The following ASB15 variants were observed in gnomAD, a reference collection of about 807,000 sequenced individuals.
ASB15 encodes the protein ankyrin repeat and SOCS box containing 15, also known as ankyrin repeat and SOCS box protein 15.
ASB15 carries 54 observed loss-of-function variants against 58.0 expected under a neutral mutation model. The observed-to-expected ratio is 0.93, with a 90% confidence interval of 0.75 to 1.17. ASB15 has a LOEUF of 1.17. Among genes scored for constraint, ASB15 ranks in the 50% most tolerant of loss-of-function variants. The pLI is 0.00. For synonymous variants in ASB15, 249 were observed against 262.4 expected (o/e 0.95, Z 0.50); for missense variants, 680 against 707.4 (o/e 0.96, Z 0.44).
chr7:123,616,704 T>C (rs949735632), intron 6 of ASB15, among the ~76,000 whole-genome samples: 1 of 152,166 alleles, frequency 6.6e-6, no homozygotes, highest in East Asian at 1.9e-4. Context: ...TTTGCATCCT[T>C]TTACCTATGA....
intron 1 of ASB15, among the ~76,000 whole-genome samples, chr7:123,595,251 T>C (rs561826835): frequency 6.6e-6 from 1 of 152,300 alleles, no homozygotes; most frequent in East Asian, 1.9e-4. Flanking sequence ...AAACCCAAGC[T>C]TTTATCCATG....
At chr7:123,630,181 T>A in intron 11 of ASB15, 62 bp downstream of exon 11, 1 of 1,271,620 alleles carries the variant, frequency 7.9e-7, no homozygotes, top group East Asian at 2.4e-5. Context: ...GGAAATTTCT[T>A]AATGTCTTCT....
chr7:123,630,042 A>G lies in ASB15; in HGVS notation c.1517A>G (p.Asp506Gly). The G allele has an allele frequency of 6.2e-7, 1 of 1,607,616 alleles. No homozygotes were observed. Among genetic ancestry groups the G allele is most frequent in the Non-Finnish European group, 8.5e-7 (1 of 1,174,646 alleles). The change falls in exon 11 of 12, where the codon GAT becomes GGT. Residue 506 changes from aspartate to glycine, a missense_variant. Physicochemically the swap from Asp to Gly is moderately conservative, Grantham distance 94 (BLOSUM62 -1). Coordinates refer to ENST00000451215, the MANE Select transcript of ASB15 (RefSeq NM_001290258.2). ...ACTCGTGTACTAATAGATTACATGG[A>G]TTATGTTCCTCTGTGTGCTAAACTG... ...RVTRVLIDYMDYVPLCAKLKS... is the reference protein window; with the variant it reads ...RVTRVLIDYMGYVPLCAKLKS...
At chr7:123,607,693 C>T (rs977671222) in intron 2 of ASB15, among the ~76,000 whole-genome samples, 4 of 152,098 alleles carry the variant, frequency 2.6e-5, no homozygotes, top group African/African-American at 9.7e-5. Flanking sequence ...CACCATGTTG[C>T]CCAGGCTGGT....
intron 1 of ASB15, among the ~76,000 whole-genome samples, chr7:123,602,673 G>A (rs1799945096): frequency 6.6e-6 from 1 of 152,116 alleles, no homozygotes; most frequent in African/African-American, 2.4e-5. Flanking sequence ...TCTTCAAATA[G>A]AAATTTGCCT....
At chr7:123,633,571 C>T (rs927783443) in intron 11 of ASB15, among the ~76,000 whole-genome samples, 4 of 152,030 alleles carry the variant, frequency 2.6e-5, no homozygotes, top group African/African-American at 4.8e-5. Flanking sequence ...AACTCATAAG[C>T]TATTTTATCT....
At chr7:123,596,170 G>A (rs17146168) in intron 1 of ASB15, among the ~76,000 whole-genome samples, 9 of 76,390 alleles carry the variant, frequency 1.2e-4, no homozygotes, top group Non-Finnish European at 2.4e-4. Context: ...TCTTATATTG[G>A]AAAAAAAAAT....
In ASB15 at chr7:123,638,400, C is replaced by T. The variant is rs1802524334; in HGVS notation, c.*1419C>T. The T allele has an allele frequency of 6.6e-6, 1 of 152,110 alleles. No individual in the cohort carries two copies. The highest frequency in any genetic ancestry group is 1.5e-5 in the Non-Finnish European group (1 of 68,024). The allele number at this position is 152,110 out of a possible 1,614,324, so 9.4% of individuals were successfully genotyped here. A position where few individuals can be genotyped will look rare whatever the true frequency, so the allele number is the denominator to read the frequency against. On this transcript the variant is annotated 3_prime_UTR_variant, in exon 12 of 12. Coordinates refer to ENST00000451215, the MANE Select transcript of ASB15 (RefSeq NM_001290258.2). ...CACTGATTCCCAGACTTCAAGGTGT[C>T]ATACACTAATAGGTTTTATTGTGTT...
In ASB15 at chr7:123,636,859, A is replaced by T. The variant is rs748643045; in HGVS notation, c.1645A>T (p.Met549Leu). 4 of 1,610,958 alleles carry T rather than the reference A, an allele frequency of 2.5e-6. No homozygotes were observed. In the South Asian group the frequency reaches 3.3e-5, roughly 13 times the overall value. The change falls in exon 12 of 12, where the codon ATG becomes TTG. Residue 549 changes from methionine (M) to leucine (L), a missense_variant. By Grantham distance (15) the Met-to-Leu change is conservative (BLOSUM62 2). Coordinates refer to ENST00000451215, the MANE Select transcript of ASB15 (RefSeq NM_001290258.2). ...HLCRLKIRRL[M>L]GLQKLCQPAS... ...GTGTCGGTTAAAAATTCGAAGGCTT[A>T]TGGGTCTCCAGAAACTCTGCCAGCC... is the stretch of plus-strand genomic sequence containing the variant.
Position 123,638,694 on chromosome 7 carries a change from C to A in ASB15, c.*1713C>A, listed in dbSNP as rs1802528408. On this transcript the variant is annotated 3_prime_UTR_variant, in exon 12 of 12. Coordinates refer to ENST00000451215, the MANE Select transcript of ASB15 (RefSeq NM_001290258.2). ...CTCTCTTTTAACCTCAGGGTCTTCG[C>A]ATTTCCTTCTCTCATCTGGAACTCT... 1 of 152,176 alleles carries A rather than the reference C, an allele frequency of 6.6e-6. No individual in the cohort carries two copies. The highest frequency in any genetic ancestry group is 1.5e-5 in the Non-Finnish European group (1 of 68,088). 9.4% of individuals were successfully genotyped at this position (152,176 alleles called of 1,614,324 possible). A position where few individuals can be genotyped will look rare whatever the true frequency, so the allele number is the denominator to read the frequency against.
At chr7:123,593,914 AC>A (rs371599151) in intron 1 of ASB15, among the ~76,000 whole-genome samples, 209 of 152,270 alleles carry the variant, frequency 1.4e-3, no homozygotes, top group African/African-American at 4.9e-3. Context: ...TTTCAGGTAC[AC>A]CAATCAAACA....
At chr7:123,623,888 AAG>A (rs1491037288) in intron 7 of ASB15, among the ~76,000 whole-genome samples, 7,262 of 118,704 alleles carry the variant, frequency 0.061, 685 homozygotes, top group Non-Finnish European at 0.081. Context: ...AAAAGAAAAG[AAG>A]AAAGAAAGAA....
At chr7:123,610,572 G>T (rs1231199982) in intron 3 of ASB15, among the ~76,000 whole-genome samples, 1 of 152,062 alleles carries the variant, frequency 6.6e-6, no homozygotes, top group East Asian at 1.9e-4. Flanking sequence ...TTTACCAGGA[G>T]AACATGAAAA....
chr7:123,617,525 A>G (rs1002159136), intron 6 of ASB15, 54 bp from the exon 7 acceptor site: 1 of 1,460,650 alleles, frequency 6.8e-7, no homozygotes, highest in Admixed American at 1.9e-5. Flanking sequence ...GATTTGTGTA[A>G]TATCCTATAA....
At chr7:123,572,120 T>C (rs1048541329) in intron 1 of ASB15, among the ~76,000 whole-genome samples, 2 of 148,264 alleles carry the variant, frequency 1.3e-5, no homozygotes, top group Non-Finnish European at 3.0e-5. Flanking sequence ...TTTACAGTGA[T>C]TGTAGAATTT....
At chr7:123,636,533 T>C (rs1327103518) in intron 11 of ASB15, among the ~76,000 whole-genome samples, 1 of 152,172 alleles carries the variant, frequency 6.6e-6, no homozygotes, top group African/African-American at 2.4e-5. Context: ...AGTCCATTTA[T>C]TCATTCCACA....
intron 2 of ASB15, among the ~76,000 whole-genome samples, chr7:123,608,268 C>T (rs1800247672): frequency 6.6e-6 from 1 of 152,040 alleles, no homozygotes; most frequent in African/African-American, 2.4e-5. Context: ...GAGAATTCGG[C>T]AAAAATATAT....
At chr7:123,602,587 C>T (rs1357821244) in intron 1 of ASB15, among the ~76,000 whole-genome samples, 1 of 152,074 alleles carries the variant, frequency 6.6e-6, no homozygotes, top group Non-Finnish European at 1.5e-5. Flanking sequence ...CTTATCACTG[C>T]TTTGTGCTGA....
At chr7:123,584,689 CTG>C (rs1799329576) in intron 1 of ASB15, among the ~76,000 whole-genome samples, 1 of 151,898 alleles carries the variant, frequency 6.6e-6, no homozygotes, top group African/African-American at 2.4e-5. Flanking sequence ...TATACAAAGA[CTG>C]TTAGCTTTCA....
Sources: allele counts gnomAD v4.1 joint callset (sites outside exome capture counted in the v4.1 genomes callset), GRCh38; gene constraint gnomAD v4.1.1; transcripts MANE v1.5; gene names NCBI Gene and HGNC (gene_info 2026-07-23, HGNC 2026-07-21).